Variants in TKFC observed in about 807,000 individuals in gnomAD.
TKFC encodes triokinase/FMN cyclase.
Under a neutral mutation model 61.0 loss-of-function variants are expected in TKFC, and 46 were observed. The ratio of observed to expected loss-of-function variants is 0.75; its 90% CI spans 0.60 to 0.96. TKFC has a LOEUF of 0.96. Among genes scored for constraint, TKFC ranks in the 50% least tolerant of loss-of-function variants. TKFC has a pLI of 0.00. For synonymous variants in TKFC, 314 were observed against 330.1 expected, an observed-to-expected ratio of 0.95 and a Z score of 0.53; for missense variants, 715 against 777.5, an observed-to-expected ratio of 0.92 and a Z score of 0.96.
chr11:61,337,975 G>C lies in TKFC; in HGVS notation c.38G>C (p.Cys13Ser). 2 of 1,610,148 alleles carry C rather than the reference G, an allele frequency of 1.2e-6. No homozygotes were observed. The highest frequency in any genetic ancestry group is 1.3e-5 in the African/African-American group (1 of 74,672). ...AAGCTGGTGAACTCGGTGGCTGGCT[G>C]TGCTGATGACGCTCTTGCTGGCCTG... Reference protein sequence around the residue: ...SKKLVNSVAGCADDALAGLVA... With the variant: ...SKKLVNSVAGSADDALAGLVA... Residue 13 changes from cysteine to serine, a missense_variant, in exon 3 of 18, where the codon TGT (cysteine) becomes TCT (serine). Cys to Ser is a moderately radical substitution (Grantham distance 112). Transcript: ENST00000394900.
Position 61,345,487 on chromosome 11 carries a change from C to A in TKFC, c.1373C>A (p.Ala458Asp), listed in dbSNP as rs1009298031. ...GALYGLFLTAAAQPLKAKTSL... is the reference protein window; with the variant it reads ...GALYGLFLTADAQPLKAKTSL... ...CTCTATGGCCTGTTCCTGACTGCGGCTGCACAGCCCCTGAAGGCCAAGACC... is the reference window on the plus strand; with the variant it reads ...CTCTATGGCCTGTTCCTGACTGCGGATGCACAGCCCCTGAAGGCCAAGACC... The change falls in exon 15 of 18, where the codon GCT becomes GAT. Residue 458 changes from alanine to aspartate, a missense_variant. Physicochemically the swap from Ala to Asp is moderately radical, Grantham distance 126. Transcript: ENST00000394900. The A allele has an allele frequency of 1.2e-6, 2 of 1,613,282 alleles. No homozygotes were observed. Among genetic ancestry groups the A allele is most frequent in the South Asian group, 1.1e-5 (1 of 91,092 alleles).
downstream of TKFC, chr11:61,352,141 C>T (rs1359575581): frequency 6.6e-6 from 1 of 152,150 alleles, no homozygotes; most frequent in Non-Finnish European, 1.5e-5. Context: ...CAAGGTCTGA[C>T]CTTAAGTCCT....
At chr11:61,345,816 G>A (rs1857094253) in intron 16 of TKFC, 41 bp from the exon 17 acceptor site, 1 of 1,614,128 alleles carries the variant, frequency 6.2e-7, no homozygotes, top group South Asian at 1.1e-5. Context: ...ACCCTCGGTT[G>A]CAGGGCCCGT....
In TKFC at chr11:61,345,335, T is replaced by A. The variant is rs927611400; in HGVS notation, c.1316T>A (p.Leu439His). 6 of 1,604,874 alleles carry A rather than the reference T, an allele frequency of 3.7e-6. No homozygotes were observed. The Admixed American group carries it at 1.0e-4, about 27-fold the overall frequency. Residue 439 changes from leucine to histidine, a missense_variant, in exon 14 of 18, where the codon CTC becomes CAC. Physicochemically the swap from Leu to His is moderately conservative, Grantham distance 99 (BLOSUM62 -3). Transcript: ENST00000394900. ...AQLLSKLSVLLLEKMGGSSGA... is the reference protein window; with the variant it reads ...AQLLSKLSVLHLEKMGGSSGA... ...CTGCTCTCCAAGTTGTCTGTCCTGC[T>A]CCTGGAGAAGATGGGAGGCTCATCT...
chr11:61,344,070 A>G, intron 12 of TKFC, 66 bp from the exon 13 acceptor site: 1 of 1,602,640 alleles, frequency 6.2e-7, no homozygotes, highest in Non-Finnish European at 8.5e-7. Flanking sequence ...CACACCTCCC[A>G]CCATAGTCAA....
At chr11:61,349,357 A>T (rs770223455), downstream of TKFC, 1 of 572,554 alleles carries the variant, frequency 1.7e-6, no homozygotes, top group Non-Finnish European at 3.2e-6. Context: ...TGGACACCAC[A>T]ACTTTGGCAT....
chr11:61,339,213 GGCACAGTAA>G (rs1161822796), intron 4 of TKFC, 32 bp from the exon 5 acceptor site: 1 of 1,612,304 alleles, frequency 6.2e-7, no homozygotes, highest in South Asian at 1.1e-5. Context: ...CGGCAGGGAG[GGCACAGTAA>G]GCACACTGAG....
In TKFC at chr11:61,339,258, G is replaced by T. The variant is rs1381341761; in HGVS notation, c.309G>T (p.Gly103=). The T allele has an allele frequency of 6.2e-7, 1 of 1,612,948 alleles. No homozygotes were observed. The highest frequency in any genetic ancestry group is 1.1e-5 in the South Asian group (1 of 91,010). Residue 103 remains glycine (G), a synonymous_variant, in exon 5 of 18, where the codon GGG becomes GGT. Transcript: ENST00000394900. Reference sequence around the variant, plus strand: ...CCCTTCCGGCTGCTCCCGCAGTGGGGACGCTCCTTATCGTGAAGAACTACA... The same window carrying T: ...CCCTTCCGGCTGCTCCCGCAGTGGGTACGCTCCTTATCGTGAAGAACTACA... ...IRAVAQAGTV[G]TLLIVKNYTG... is the part of the protein sequence containing the mutation.
At chr11:61,350,645 C>G, downstream of TKFC, 1 of 616,010 alleles carries the variant, frequency 1.6e-6, no homozygotes, top group East Asian at 2.8e-5. Flanking sequence ...ACCCATCCCA[C>G]TAGACTAGCC....
rs1400722208 is a variant in TKFC at position 61,347,812 on chromosome 11, C to G, written c.*1309C>G. The G allele has an allele frequency of 1.0e-6, 1 of 973,792 alleles. No individual in the cohort carries two copies. Among genetic ancestry groups the G allele is most frequent in the African/African-American group, 1.8e-5 (1 of 56,984 alleles). The allele number at this position is 973,792 out of a possible 1,614,324, so 60.3% of individuals were successfully genotyped here. Reference sequence around the variant, plus strand: ...GGATCTGTAAAATCAGAATGGTACCCACCTCATGGGGACATGAAAGGATTC... The same window carrying G: ...GGATCTGTAAAATCAGAATGGTACCGACCTCATGGGGACATGAAAGGATTC... On this transcript the variant is annotated 3_prime_UTR_variant, in exon 18 of 18. Coordinates refer to ENST00000394900, the MANE Select transcript of TKFC (RefSeq NM_015533.4).
In TKFC at chr11:61,346,529, CA is replaced by C. The variant is rs1326995213; in HGVS notation, c.*27del. ...GGTGTGTGACTGCCTCCCTTGGCCTCAGCTCCTCTCACTGCTGTGCTGAGGT... is the reference window on the plus strand; with the variant it reads ...GGTGTGTGACTGCCTCCCTTGGCCTCGCTCCTCTCACTGCTGTGCTGAGGT... On this transcript the variant is annotated 3_prime_UTR_variant, in exon 18 of 18. Coordinates refer to ENST00000394900, the MANE Select transcript of TKFC (RefSeq NM_015533.4). This position sits in a 1 kb window ranked among gnomAD's most constrained non-coding sequence, Gnocchi z 4.1. 1.9e-6 allele frequency: 3 copies of C among 1,574,316 alleles called. No individual in the cohort carries two copies. In the South Asian group the frequency reaches 3.4e-5, roughly 18 times the overall value.
intron 16 of TKFC, 24 bp from the exon 17 acceptor site, chr11:61,345,833 C>G (rs755054969): frequency 6.2e-7 from 1 of 1,613,982 alleles, no homozygotes; most frequent in African/African-American, 1.3e-5. Flanking sequence ...CCGTGCTCAG[C>G]CCCCTTTCCT....
rs34395088 is a variant in TKFC, at chr11:61,345,557, C to T, written c.1443C>T (p.Ala481=). 25 of 1,613,100 alleles carry T rather than the reference C, an allele frequency of 1.5e-5. No homozygotes were observed. The South Asian group carries it at 1.6e-4, about 11-fold the overall frequency. ...WSAAMDAGLE[A]MQKYGKAAPG... is the part of the protein sequence containing the mutation. ...CTGCCATGGATGCCGGCCTGGAAGC[C>T]ATGCAGAAGTGAGCCAGAGCCCTGT... The change falls in exon 15 of 18, where the codon GCC becomes GCT. Residue 481 remains alanine, a synonymous_variant. Coordinates refer to ENST00000394900, the MANE Select transcript of TKFC (RefSeq NM_015533.4).
In TKFC at chr11:61,342,495, G is replaced by A; in HGVS notation, c.690G>A (p.Lys230=). 2 of 1,614,086 alleles carry A rather than the reference G, an allele frequency of 1.2e-6. No individual in the cohort carries two copies. The highest frequency in any genetic ancestry group is 1.1e-5 in the South Asian group (1 of 91,084). The change falls in exon 8 of 18, where the codon AAG becomes AAA. Residue 230 remains lysine, a splice_region_variant and synonymous_variant. Coordinates refer to ENST00000394900, the MANE Select transcript of TKFC (RefSeq NM_015533.4). The part of the protein sequence containing the change: ...IHGEAGVRRI[K]MATADEIVKL... ...GGGAAGCTGGTGTGCGCCGGATAAA[G>A]GTAGGTGGTCCCTCTGGCACAGGCC...
chr11:61,347,960 C>T lies in TKFC; in HGVS notation c.*1457C>T. The T allele has an allele frequency of 1.0e-6, 1 of 985,376 alleles. No individual in the cohort carries two copies. Among genetic ancestry groups the T allele is most frequent in the Non-Finnish European group, 1.2e-6 (1 of 829,920 alleles). 61.0% of individuals were successfully genotyped at this position (985,376 alleles called of 1,614,324 possible). A position where few individuals can be genotyped will look rare whatever the true frequency, so the allele number is the denominator to read the frequency against. On this transcript the variant is annotated 3_prime_UTR_variant, in exon 18 of 18. Transcript: ENST00000394900. ...CCCAGGTCATCTGCTCTACCACTAG[C>T]TGGTAGGAAAGAGCCTCCTGCCCTC...
Position 61,348,112 on chromosome 11 carries a change from G to A in TKFC, c.*1609G>A, listed in dbSNP as rs1857230733. ...TGACCACAAGGCATCCACGTGCACAGGAGTATGCGCCCAGCAGCTGGGAAG... is the reference window on the plus strand; with the variant it reads ...TGACCACAAGGCATCCACGTGCACAAGAGTATGCGCCCAGCAGCTGGGAAG... On this transcript the variant is annotated 3_prime_UTR_variant, in exon 18 of 18. Coordinates refer to ENST00000394900, the MANE Select transcript of TKFC (RefSeq NM_015533.4). 2.0e-6 allele frequency: 2 copies of A among 985,366 alleles called. No homozygotes were observed. Among genetic ancestry groups the A allele is most frequent in the African/African-American group, 1.7e-5 (1 of 57,244 alleles). The allele number at this position is 985,366 out of a possible 1,614,324, so 61.0% of individuals were successfully genotyped here. A position where few individuals can be genotyped will look rare whatever the true frequency, so the allele number is the denominator to read the frequency against.
chr11:61,341,629 T>C, intron 6 of TKFC, 115 bp downstream of exon 6: 2 of 1,314,944 alleles, frequency 1.5e-6, no homozygotes, highest in East Asian at 4.9e-5. Flanking sequence ...TCCCCAGGGG[T>C]CTAGGGAGTG....
rs973257078 is a variant in TKFC, at chr11:61,349,155, C to T, written c.*2652C>T. 2.5e-5 allele frequency: 5 copies of T among 202,800 alleles called. No individual in the cohort carries two copies. The highest frequency in any genetic ancestry group is 9.0e-5 in the African/African-American group (4 of 44,384). The allele number at this position is 202,800 out of a possible 1,614,324, so 12.6% of individuals were successfully genotyped here. Reference sequence around the variant, plus strand: ...AGGCAAAAAAGCCACAGCAGCAACACTTAGGAGCAAGACCCTTCCCGCTCT... The same window carrying T: ...AGGCAAAAAAGCCACAGCAGCAACATTTAGGAGCAAGACCCTTCCCGCTCT... On this transcript the variant is annotated 3_prime_UTR_variant, in exon 18 of 18. Transcript: ENST00000394900.
rs748055214 is a variant in TKFC, at chr11:61,343,459, G to C, written c.982+1G>C. On this transcript the variant is annotated splice_donor_variant, in intron 11 of 17. Transcript: ENST00000394900. LOFTEE classifies it high-confidence loss of function. ...GATGAGCCTCTCCTGAAACTGATAG[G>C]TGAGACTTGGAACCTGGGGTCACCC... The C allele has an allele frequency of 9.9e-6, 16 of 1,613,676 alleles. No individual in the cohort carries two copies. The East Asian group carries it at 3.1e-4, about 31-fold the overall frequency.
Sources: gnomAD v4.1 joint callset for allele counts on GRCh38, gnomAD v4.1.1 for gene constraint, Gnocchi (gnomAD v3.1) non-coding constraint, MANE v1.5 for transcripts, NCBI Gene and HGNC (gene_info 2026-07-23, HGNC 2026-07-21) for gene names.